The following ADARB2 variants were observed in gnomAD, a reference collection of about 807,000 sequenced individuals.
ADARB2 encodes the protein inactive double-stranded RNA-specific editase B2.
ADARB2 carries 25 observed loss-of-function variants against 62.2 expected under a neutral mutation model. That is an observed-to-expected ratio of 0.40 (90% CI 0.29 to 0.56). The LOEUF is 0.56. ADARB2 is among the 20% of genes least tolerant of loss of function. The pLI is 0.43. For synonymous variants in ADARB2, 572 were observed against 500.8 expected (o/e 1.14, Z -1.90); for missense variants, 1,071 against 1,077.4 (o/e 0.99, Z 0.08).
intron 2 of ADARB2, among the ~76,000 whole-genome samples, chr10:1,373,328 C>T (rs2820608): frequency 0.049 from 7,494 of 151,456 alleles, 646 homozygotes; most frequent in African/African-American, 0.17. Context: ...ACACACACAC[C>T]CACCCACACA....
At chr10:1,475,877 G>A (rs1831393352) in intron 1 of ADARB2, among the ~76,000 whole-genome samples, 1 of 152,202 alleles carries the variant, frequency 6.6e-6, no homozygotes, top group African/African-American at 2.4e-5. Flanking sequence ...AGGTAATTGT[G>A]TGAATTTTCT....
chr10:1,655,064 C>T (rs184489567), intron 1 of ADARB2, among the ~76,000 whole-genome samples: 14 of 152,276 alleles, frequency 9.2e-5, no homozygotes, highest in African/African-American at 3.4e-4. Flanking sequence ...GGGAGAGATG[C>T]AGGGGACACA....
chr10:1,369,655 A>C (rs1215050776), intron 2 of ADARB2, among the ~76,000 whole-genome samples: 5 of 152,102 alleles, frequency 3.3e-5, no homozygotes, highest in South Asian at 4.1e-4. Flanking sequence ...ACACAATAAA[A>C]TACATTTTAA....
At chr10:1,453,122 C>A (rs373490162) in intron 1 of ADARB2, among the ~76,000 whole-genome samples, 10 of 152,208 alleles carry the variant, frequency 6.6e-5, no homozygotes, top group Non-Finnish European at 1.3e-4. Context: ...TTCCCTCCCC[C>A]ACGTCTGCAA....
At chr10:1,710,437 GT>G (rs1270828908) in intron 1 of ADARB2, among the ~76,000 whole-genome samples, 2 of 152,332 alleles carry the variant, frequency 1.3e-5, no homozygotes, top group East Asian at 3.9e-4. Context: ...AACTCCCTGG[GT>G]TTGAGTTGAT....
At chr10:1,547,194 C>T (rs1343359173) in intron 1 of ADARB2, among the ~76,000 whole-genome samples, 1 of 149,880 alleles carries the variant, frequency 6.7e-6, no homozygotes, top group Non-Finnish European at 1.5e-5. Context: ...CAGGTGTATA[C>T]ACTGTGGGGA....
intron 1 of ADARB2, among the ~76,000 whole-genome samples, chr10:1,437,844 C>T (rs777677260): frequency 5.9e-5 from 9 of 152,132 alleles, no homozygotes; most frequent in Non-Finnish European, 1.0e-4. Context: ...GGATATGGGA[C>T]GTGTAGGGCA....
At chr10:1,589,285 A>G (rs1368335583) in intron 1 of ADARB2, among the ~76,000 whole-genome samples, 1 of 152,190 alleles carries the variant, frequency 6.6e-6, no homozygotes, top group African/African-American at 2.4e-5. Flanking sequence ...GGGAGAACGT[A>G]TGGTGGAAAG....
At chr10:1,437,572 C>T (rs2387675) in intron 1 of ADARB2, among the ~76,000 whole-genome samples, 44,138 of 151,972 alleles carry the variant, frequency 0.29, 7,071 homozygotes, top group East Asian at 0.47. Flanking sequence ...ATCTCCTGCC[C>T]TAAGAGAGTT....
intron 1 of ADARB2, among the ~76,000 whole-genome samples, chr10:1,402,458 C>T (rs1832673149): frequency 6.6e-6 from 1 of 152,112 alleles, no homozygotes. Context: ...GCGTGGTTAG[C>T]ATAAAGGAAG....
chr10:1,323,298 C>T (rs1831812187), intron 3 of ADARB2, among the ~76,000 whole-genome samples: 1 of 139,784 alleles, frequency 7.2e-6, no homozygotes, highest in African/African-American at 2.6e-5. Context: ...ACGAAAATTA[C>T]AAAATGCTGA....
chr10:1,578,555 G>A (rs952165098), intron 1 of ADARB2, among the ~76,000 whole-genome samples: 1 of 151,878 alleles, frequency 6.6e-6, no homozygotes. Context: ...CCTTGGCGTG[G>A]GTCTGGAGGC....
chr10:1,678,847 C>T (rs1834501364), intron 1 of ADARB2, among the ~76,000 whole-genome samples: 1 of 151,980 alleles, frequency 6.6e-6, no homozygotes, highest in Non-Finnish European at 1.5e-5. Flanking sequence ...ACTTGTCCCT[C>T]CTGGACCCTG....
chr10:1,404,399 T>C (rs1373860712), intron 1 of ADARB2, among the ~76,000 whole-genome samples: 1 of 152,126 alleles, frequency 6.6e-6, no homozygotes, highest in Non-Finnish European at 1.5e-5. Context: ...CCAGCACAAA[T>C]AATTCTGCAG....
chr10:1,504,224 G>A (rs531209629), intron 1 of ADARB2, among the ~76,000 whole-genome samples: 1 of 152,144 alleles, frequency 6.6e-6, no homozygotes, highest in Non-Finnish European at 1.5e-5. Context: ...GGAGCCCATC[G>A]CTTCCAGCAG....
In ADARB2 at chr10:1,726,558, C is replaced by T. The variant is rs867191946; in HGVS notation, c.100+10493G>A. ...GAGTGTGTATCCTGCTTCACATGAC[C>T]GACCTCCAGGCAAAGAGATGCCGTC... On this transcript the variant is annotated intron_variant, in intron 1 of 9. Transcript: ENST00000381312. 3.9e-5 allele frequency among the ~76,000 whole-genome samples: 6 copies of T among 152,226 alleles called. 1 individual carries two copies. Among genetic ancestry groups the T allele is most frequent in the East Asian group, 3.9e-4 (2 of 5,168 alleles).
intron 4 of ADARB2, among the ~76,000 whole-genome samples, chr10:1,264,173 AGAT>A (rs1831171214): frequency 6.6e-6 from 1 of 152,166 alleles, no homozygotes; most frequent in African/African-American, 2.4e-5. Context: ...CTTGAAATAC[AGAT>A]GATAATTCAC....
intron 1 of ADARB2, among the ~76,000 whole-genome samples, chr10:1,388,972 G>A (rs570456944): frequency 1.2e-3 from 181 of 152,244 alleles, no homozygotes; most frequent in Non-Finnish European, 2.2e-3. Flanking sequence ...GGAACAAAAG[G>A]GGAAGTCTAG....
intron 1 of ADARB2, among the ~76,000 whole-genome samples, chr10:1,720,718 T>C (rs1381807728): frequency 1.3e-5 from 2 of 152,172 alleles, no homozygotes; most frequent in Non-Finnish European, 2.9e-5. Context: ...TGCGGGGGCC[T>C]CTGGGCCCCT....
Sources: gnomAD v4.1 joint callset for allele counts (sites outside exome capture counted in the v4.1 genomes callset) on GRCh38, gnomAD v4.1.1 for gene constraint, MANE v1.5 for transcripts, NCBI Gene and HGNC (gene_info 2026-07-23, HGNC 2026-07-21) for gene names.